Variants in ASIC2 observed in about 807,000 individuals in gnomAD.
ASIC2 encodes the protein acid sensing ion channel subunit 2, also known as acid-sensing ion channel 2.
A neutral mutation model predicts 57.3 loss-of-function variants in ASIC2; 25 were observed. The ratio of observed to expected loss-of-function variants is 0.44; its 90% confidence interval spans 0.32 to 0.61. The LOEUF is 0.61. Among genes scored for constraint, ASIC2 ranks in the 20% least tolerant of loss-of-function variants. ASIC2 has a pLI of 0.06. For synonymous variants in ASIC2, 319 were observed against 307.5 expected (o/e 1.04, Z -0.39); for missense variants, 641 against 738.1 (o/e 0.87, Z 1.52).
chr17:33,536,490 G>A (rs1001195807), intron 1 of ASIC2, among the ~76,000 whole-genome samples: 2 of 152,208 alleles, frequency 1.3e-5, no homozygotes, highest in African/African-American at 4.8e-5. Flanking sequence ...AGGTCACCCT[G>A]CTCCCAACAG....
chr17:33,410,110 T>C (rs921482052), intron 1 of ASIC2, among the ~76,000 whole-genome samples: 4 of 152,158 alleles, frequency 2.6e-5, no homozygotes, highest in Admixed American at 6.5e-5. Context: ...TGATGTGATA[T>C]GTTGTAGCCA....
intron 1 of ASIC2, among the ~76,000 whole-genome samples, chr17:33,137,321 G>C (rs924064561): frequency 6.6e-6 from 1 of 152,234 alleles, no homozygotes; most frequent in South Asian, 2.1e-4. Context: ...ATGCCAATGT[G>C]CATTGTGAAT....
rs1873470 is a variant in ASIC2 at position 33,893,336 on chromosome 17, G to T, written c.555+262642C>A. Among the ~76,000 whole-genome samples the T allele has an allele frequency of 1.5e-4, 23 of 152,152 alleles. No homozygotes were observed. The South Asian group carries it at 4.0e-3, about 26-fold the overall frequency. On this transcript the variant is annotated intron_variant, in intron 1 of 9. Transcript: ENST00000359872. ...AGCTGTAATGAGTAACACACTTTGG[G>T]CCCTGAGCCTGGAGTTCTAGACCTG...
At position 33,943,544 on chromosome 17, in the gene ASIC2, C is replaced by T. The variant is rs57703294; in HGVS notation, c.555+212434G>A. On this transcript the variant is annotated intron_variant, in intron 1 of 9. Transcript: ENST00000359872. ...CTGTCCCAATTTACAGTTGAGGCTG[C>T]AGACCCTAGAAGGTTAACAGACTTG... 2.1e-3 allele frequency among the ~76,000 whole-genome samples: 325 copies of T among 152,278 alleles called. 3 individuals carry two copies. The highest frequency in any genetic ancestry group is 7.5e-3 in the African/African-American group (310 of 41,566).
At chr17:33,579,505 A>C (rs891210979) in intron 1 of ASIC2, among the ~76,000 whole-genome samples, 1 of 152,032 alleles carries the variant, frequency 6.6e-6, no homozygotes. Context: ...CTGTGCCCAG[A>C]ATTGTCTCCT....
At chr17:33,316,805 C>G (rs1165730099) in intron 1 of ASIC2, among the ~76,000 whole-genome samples, 1 of 152,150 alleles carries the variant, frequency 6.6e-6, no homozygotes, top group East Asian at 1.9e-4. Context: ...AACAATAAGC[C>G]CAGGTTAATT....
rs2141951161 is a variant in ASIC2, at chr17:33,896,919, C to T, written c.555+259059G>A. ...GCCCCATCCATTGCTCATCACTCTG[C>T]TTTCTACAAAAGCCAGACATCCTGG... On this transcript the variant is annotated intron_variant, in intron 1 of 9. Coordinates refer to the ASIC2 transcript ENST00000359872. Among the ~76,000 whole-genome samples, 3 of 152,304 alleles carry T rather than the reference C, an allele frequency of 2.0e-5. No homozygotes were observed. In the South Asian group the frequency reaches 6.2e-4, roughly 32 times the overall value.
intron 1 of ASIC2, among the ~76,000 whole-genome samples, chr17:34,129,880 T>C (rs1293986908): frequency 6.6e-6 from 1 of 152,148 alleles, no homozygotes; most frequent in African/African-American, 2.4e-5. Context: ...AAAGCTATTG[T>C]CACCCTCCAG....
At chr17:33,934,542 C>G (rs994660704) in intron 1 of ASIC2, among the ~76,000 whole-genome samples, 3 of 152,146 alleles carry the variant, frequency 2.0e-5, no homozygotes, top group African/African-American at 7.2e-5. Flanking sequence ...CTCAAGGGCA[C>G]AGGCCGTGGG....
At chr17:34,048,652 C>A (rs182501384) in intron 1 of ASIC2, among the ~76,000 whole-genome samples, 1 of 152,342 alleles carries the variant, frequency 6.6e-6, no homozygotes, top group African/African-American at 2.4e-5. Context: ...TGCTCTATCT[C>A]AATTTCTTTA....
chr17:33,957,001 A>C (rs1489434493), intron 1 of ASIC2, among the ~76,000 whole-genome samples: 1 of 152,230 alleles, frequency 6.6e-6, no homozygotes, highest in Admixed American at 6.5e-5. Flanking sequence ...CTGACTGCTC[A>C]CCTGGCTCTG....
At chr17:33,884,024 T>C (rs1293401570) in intron 1 of ASIC2, among the ~76,000 whole-genome samples, 4 of 152,182 alleles carry the variant, frequency 2.6e-5, no homozygotes, top group Admixed American at 2.6e-4. Flanking sequence ...CACGAGACTA[T>C]ATAGAACCTC....
Position 33,825,681 on chromosome 17 carries a change from C to A in ASIC2, c.555+330297G>T, listed in dbSNP as rs556541069. ...TCTCATAATGGGTTTTTCTAAAATT[C>A]ACAAGCACTTAAAGACCTCAAAACT... On this transcript the variant is annotated intron_variant, in intron 1 of 9. Coordinates refer to the ASIC2 transcript ENST00000359872. Among the ~76,000 whole-genome samples the A allele has an allele frequency of 1.6e-3, 250 of 152,246 alleles. 1 individual carries two copies. Among genetic ancestry groups the A allele is most frequent in the Non-Finnish European group, 3.0e-3 (207 of 68,020 alleles).
At chr17:34,133,973 C>T (rs1912063493) in intron 1 of ASIC2, among the ~76,000 whole-genome samples, 1 of 152,118 alleles carries the variant, frequency 6.6e-6, no homozygotes, top group African/African-American at 2.4e-5. Flanking sequence ...TCCTGTGGCT[C>T]AAATTGTCAC....
chr17:33,617,520 G>GC (rs146060432), intron 1 of ASIC2, among the ~76,000 whole-genome samples: 56,869 of 151,646 alleles, frequency 0.38, 10,867 homozygotes, highest in East Asian at 0.49. Context: ...AGGGAGGAGG[G>GC]GAGAATAAAA....
chr17:33,884,467 C>T (rs1329098645), intron 1 of ASIC2, among the ~76,000 whole-genome samples: 3 of 152,236 alleles, frequency 2.0e-5, no homozygotes, highest in Non-Finnish European at 4.4e-5. Flanking sequence ...TTCTTTTTAT[C>T]TGCTGGATCC....
chr17:33,840,655 T>A (rs1913408029), intron 1 of ASIC2, among the ~76,000 whole-genome samples: 1 of 152,106 alleles, frequency 6.6e-6, no homozygotes, highest in Admixed American at 6.6e-5. Context: ...CATCTACTAG[T>A]TGGGTTTTAA....
At chr17:33,345,780 T>C (rs532055708) in intron 1 of ASIC2, among the ~76,000 whole-genome samples, 23 of 152,324 alleles carry the variant, frequency 1.5e-4, no homozygotes, top group Admixed American at 1.4e-3. Flanking sequence ...AGTGATATGA[T>C]CTGACACGTC....
chr17:33,696,149 C>A lies in ASIC2; in HGVS notation c.555+459829G>T, dbSNP rs1597838829. ...AATGTCTTCTGCATGTATGCCTAGA[C>A]ACGGAATTGCTGGGTTACAAGGAGG... On this transcript the variant is annotated intron_variant, in intron 1 of 9. Transcript: ENST00000359872. Among the ~76,000 whole-genome samples the A allele has an allele frequency of 1.3e-5, 2 of 152,302 alleles. 1 individual carries two copies. The highest frequency in any genetic ancestry group is 4.1e-4 in the South Asian group (2 of 4,830).
Sources: gnomAD v4.1 joint callset for allele counts (sites outside exome capture counted in the v4.1 genomes callset) on GRCh38, gnomAD v4.1.1 for gene constraint, MANE v1.5 for transcripts, NCBI Gene and HGNC (gene_info 2026-07-23, HGNC 2026-07-21) for gene names.